Variants in FRY observed in about 807,000 individuals in gnomAD.
The protein encoded by FRY is protein furry homolog.
In FRY, 128 loss-of-function variants were observed where a neutral mutation model predicts 348.4. That is an observed-to-expected ratio of 0.37 (90% CI 0.32 to 0.43). The LOEUF (loss-of-function observed/expected upper bound fraction) is 0.43. Ranked by LOEUF, FRY falls within the 20% of genes least tolerant of loss-of-function variation. The pLI is 1.00. For missense variants in FRY, 2,736 were observed against 3,695.2 expected (o/e 0.74, Z 6.73); for synonymous variants, 1,370 against 1,374.7 (o/e 1.00, Z 0.08).
intron 41 of FRY, among the ~76,000 whole-genome samples, chr13:32,233,854 G>T (rs1470465716): frequency 6.6e-6 from 1 of 152,210 alleles, no homozygotes; most frequent in Non-Finnish European, 1.5e-5. Flanking sequence ...ACAAGTTAAA[G>T]ATAAGGAAAC....
At chr13:32,260,608 C>T (rs2138539809) in intron 51 of FRY, among the ~76,000 whole-genome samples, 1 of 152,296 alleles carries the variant, frequency 6.6e-6, no homozygotes, top group East Asian at 1.9e-4. Context: ...GGTGCAGTGG[C>T]TCACGCCTGT....
chr13:32,051,399 A>G (rs1333569250), intron 1 of FRY, among the ~76,000 whole-genome samples: 2 of 152,166 alleles, frequency 1.3e-5, no homozygotes, highest in African/African-American at 4.8e-5. Context: ...AGAGCTACCT[A>G]CCGGAATGAA....
chr13:32,105,519 A>G (rs1877479009), intron 3 of FRY, among the ~76,000 whole-genome samples: 1 of 152,212 alleles, frequency 6.6e-6, no homozygotes, highest in South Asian at 2.1e-4. Flanking sequence ...TGAATATAGC[A>G]AGGTCTCTTA....
At position 32,157,484 on chromosome 13, in the gene FRY, A is replaced by T. The variant is rs1431436671; in HGVS notation, c.1784+79A>T. ...TAGAGAGTATTCTCATTTATTCTGT[A>T]TTTTGTTTTCATCTTCTTAGGGTTC... On this transcript the variant is annotated intron_variant, in intron 16 of 60. Coordinates refer to ENST00000542859, the MANE Select transcript of FRY (RefSeq NM_023037.3). 10 of 1,401,864 alleles carry T rather than the reference A, an allele frequency of 7.1e-6. No individual in the cohort carries two copies. In the East Asian group the frequency reaches 1.4e-4, roughly 20 times the overall value. 86.8% of individuals were successfully genotyped at this position (1,401,864 alleles called of 1,614,324 possible). A position where few individuals can be genotyped will look rare whatever the true frequency, so the allele number is the denominator to read the frequency against.
chr13:32,129,160 CTT>C (rs1408217031), intron 7 of FRY, among the ~76,000 whole-genome samples: 1 of 152,164 alleles, frequency 6.6e-6, no homozygotes, highest in Non-Finnish European at 1.5e-5. Flanking sequence ...AGAGATATAA[CTT>C]CATTTTAACT....
At chr13:32,091,700 C>G (rs1876324538) in intron 2 of FRY, among the ~76,000 whole-genome samples, 1 of 152,194 alleles carries the variant, frequency 6.6e-6, no homozygotes, top group Admixed American at 6.5e-5. Flanking sequence ...AAGAGAGATC[C>G]TAATGGTGGT....
intron 29 of FRY, among the ~76,000 whole-genome samples, chr13:32,197,951 T>G (rs1377278805): frequency 6.6e-6 from 1 of 152,222 alleles, no homozygotes; most frequent in African/African-American, 2.4e-5. Flanking sequence ...TCTTTTACCC[T>G]TGCTCTGCCT....
rs2072050760 is a variant in FRY, at chr13:32,295,728, C to T, written c.*268C>T. The T allele has an allele frequency of 1.8e-6, 1 of 545,924 alleles. No individual in the cohort carries two copies. Among genetic ancestry groups the T allele is most frequent in the East Asian group, 3.1e-5 (1 of 32,302 alleles). The allele number at this position is 545,924 out of a possible 1,614,324, so 33.8% of individuals were successfully genotyped here. A position where few individuals can be genotyped will look rare whatever the true frequency, so the allele number is the denominator to read the frequency against. On this transcript the variant is annotated 3_prime_UTR_variant, in exon 61 of 61. Coordinates refer to ENST00000542859, the MANE Select transcript of FRY (RefSeq NM_023037.3). ...CATTTGACCGAGCATATGCAACTCGCTACTGAAGAAGTGACTTCCGTTGCA... is the reference window on the plus strand; with the variant it reads ...CATTTGACCGAGCATATGCAACTCGTTACTGAAGAAGTGACTTCCGTTGCA...
chr13:32,122,891 C>T (rs1018319143), intron 4 of FRY, among the ~76,000 whole-genome samples: 19 of 152,156 alleles, frequency 1.2e-4, no homozygotes, highest in Admixed American at 1.1e-3. Context: ...TATATACTAA[C>T]AACGACTAAG....
At chr13:32,131,535 A>T in intron 7 of FRY, 137 bp from the exon 8 acceptor site, 1 of 676,316 alleles carries the variant, frequency 1.5e-6, no homozygotes, top group Non-Finnish European at 2.6e-6. Flanking sequence ...CCAAATCCTT[A>T]CAAAATCATG....
intron 2 of FRY, among the ~76,000 whole-genome samples, chr13:32,096,439 G>GC (rs917506081): frequency 2.0e-5 from 3 of 151,470 alleles, no homozygotes; most frequent in African/African-American, 7.3e-5. Flanking sequence ...GAAAACTGCG[G>GC]GGGGGGGCTT....
In FRY at chr13:32,239,269, T is replaced by C; in HGVS notation, c.6436T>C (p.Leu2146=). 6.2e-7 allele frequency: 1 copy of C among 1,604,974 alleles called. No homozygotes were observed. Among genetic ancestry groups the C allele is most frequent in the Non-Finnish European group, 8.5e-7 (1 of 1,171,648 alleles). The change falls in exon 45 of 61, where the codon TTG becomes CTG. Residue 2146 remains leucine (L), a synonymous_variant. Coordinates refer to ENST00000542859, the MANE Select transcript of FRY (RefSeq NM_023037.3). The surrounding 1 kb of genome is among the most constrained non-coding windows in gnomAD (Gnocchi z 4.3). ...TAATCCAGGGTTTCCACTGAATGTC[T>C]TGTGTCTCCTGCCTCAGCTGATTCA... is the stretch of plus-strand genomic sequence containing the variant. ...SHAIGFPLNV[L]CLLPQLIQHF...
chr13:32,124,618 T>C lies in FRY; in HGVS notation c.572T>C (p.Val191Ala), dbSNP rs1467917927. 6.3e-7 allele frequency: 1 copy of C among 1,591,194 alleles called. No homozygotes were observed. The highest frequency in any genetic ancestry group is 8.6e-7 in the Non-Finnish European group (1 of 1,159,636). ...EVLKQIPLHP[V>A]IDSLIHDVIN... is the part of the protein sequence containing the mutation. ...TTTTTTCAGATTCCACTTCATCCTG[T>C]AATAGACAGTTTAATACATGATGTT... Residue 191 changes from valine (V) to alanine (A), a missense_variant, in exon 6 of 61, where the codon GTA (valine) becomes GCA (alanine). Physicochemically the swap from Val to Ala is moderately conservative, Grantham distance 64. Around this residue, in one of 9 missense-constraint regions of FRY, gnomAD observed 309 missense variants for 418.1 expected, o/e 0.74. Coordinates refer to ENST00000542859, the MANE Select transcript of FRY (RefSeq NM_023037.3).
Position 32,155,469 on chromosome 13 carries a change from A to G in FRY, c.1480-22A>G, listed in dbSNP as rs553070301. 3.4e-5 allele frequency: 55 copies of G among 1,594,432 alleles called. 1 individual carries two copies. In the South Asian group the frequency reaches 5.1e-4, roughly 15 times the overall value. Reference sequence around the variant, plus strand: ...CAATAATTGGGCCTTTCCTTTTGTCATGACAATATTGTCTCTTACAGAGAA... The same window carrying G: ...CAATAATTGGGCCTTTCCTTTTGTCGTGACAATATTGTCTCTTACAGAGAA... On this transcript the variant is annotated intron_variant, in intron 14 of 60. Coordinates refer to ENST00000542859, the MANE Select transcript of FRY (RefSeq NM_023037.3).
intron 4 of FRY, among the ~76,000 whole-genome samples, chr13:32,122,962 A>T (rs1353856792): frequency 3.0e-5 from 4 of 133,020 alleles, no homozygotes. Context: ...AAAATAAAAT[A>T]CTTAGGAATA....
intron 1 of FRY, among the ~76,000 whole-genome samples, chr13:32,056,936 A>T (rs1049561397): frequency 6.6e-6 from 1 of 152,160 alleles, no homozygotes; most frequent in African/African-American, 2.4e-5. Flanking sequence ...AATTATGAAA[A>T]AAATAAGAAT....
At chr13:32,186,000 A>C (rs1262995492) in intron 26 of FRY, among the ~76,000 whole-genome samples, 1 of 152,196 alleles carries the variant, frequency 6.6e-6, no homozygotes, top group Non-Finnish European at 1.5e-5. Flanking sequence ...ATTGATTAGA[A>C]AAAAATCTCT....
intron 33 of FRY, among the ~76,000 whole-genome samples, 186 bp from the exon 34 acceptor site, chr13:32,210,680 C>T (rs1253351975): frequency 1.3e-5 from 2 of 152,124 alleles, no homozygotes; most frequent in Non-Finnish European, 2.9e-5. Context: ...TGTTATCAGA[C>T]GTGCCGATGA....
chr13:32,037,928 T>A (rs527971860), intron 1 of FRY, among the ~76,000 whole-genome samples: 2 of 152,358 alleles, frequency 1.3e-5, no homozygotes, highest in African/African-American at 4.8e-5. Context: ...AATGACATTT[T>A]ACTATGTTAG....
Sources: gnomAD v4.1 joint callset for allele counts (sites outside exome capture counted in the v4.1 genomes callset) on GRCh38, gnomAD v4.1.1 for gene constraint, gnomAD v4.1.1 regional missense constraint, Gnocchi (gnomAD v3.1) non-coding constraint, MANE v1.5 for transcripts, NCBI Gene and HGNC (gene_info 2026-07-23, HGNC 2026-07-21) for gene names.